Variants in AKAP19 observed in about 807,000 individuals in gnomAD.
AKAP19 encodes small A-kinase anchoring protein.
At chr2:189,916,208 A>G in the AKAP19 span, among the ~76,000 whole-genome samples, 10 of 152,298 alleles carry the variant, frequency 6.6e-5, no homozygotes, top group East Asian at 7.7e-4. Context: ...TTGCAAAACT[A>G]TAGTACAATA....
the AKAP19 span, chr2:190,062,180 A>G: frequency 6.2e-7 from 1 of 1,606,546 alleles, no homozygotes; most frequent in Non-Finnish European, 8.5e-7. Flanking sequence ...ACACTAGAAC[A>G]ACAGTCAGCA....
chr2:190,062,975 T>C, the AKAP19 span, among the ~76,000 whole-genome samples: 1 of 152,128 alleles, frequency 6.6e-6, no homozygotes, highest in Non-Finnish European at 1.5e-5. Flanking sequence ...CAAAAGTCTA[T>C]GTTGGCAATA....
At chr2:189,888,926 C>T in the AKAP19 span, among the ~76,000 whole-genome samples, 1 of 152,040 alleles carries the variant, frequency 6.6e-6, no homozygotes, top group African/African-American at 2.4e-5. Flanking sequence ...ATTTGAATAC[C>T]CTTTCTTTCT....
the AKAP19 span, among the ~76,000 whole-genome samples, chr2:189,954,541 G>A: frequency 6.6e-6 from 1 of 152,262 alleles, no homozygotes; most frequent in African/African-American, 2.4e-5. Context: ...TACTGCTCAA[G>A]GTCATCACCA....
At chr2:190,125,017 A>T in the AKAP19 span, among the ~76,000 whole-genome samples, 1 of 152,180 alleles carries the variant, frequency 6.6e-6, no homozygotes, top group East Asian at 1.9e-4. Flanking sequence ...AGGGGCAGTA[A>T]CACACATGGA....
the AKAP19 span, among the ~76,000 whole-genome samples, chr2:190,193,699 T>TAA: frequency 6.6e-6 from 1 of 152,158 alleles, no homozygotes; most frequent in South Asian, 2.1e-4. Flanking sequence ...TTACACATCT[T>TAA]AATATGTGAC....
At chr2:189,985,142 A>G in the AKAP19 span, among the ~76,000 whole-genome samples, 1 of 152,280 alleles carries the variant, frequency 6.6e-6, no homozygotes, top group Middle Eastern at 3.4e-3. Context: ...TAGGGCTCCA[A>G]GTTCTTTGGG....
At chr2:189,968,577 CA>C in the AKAP19 span, among the ~76,000 whole-genome samples, 5 of 152,074 alleles carry the variant, frequency 3.3e-5, no homozygotes. Context: ...TGTACTTAAG[CA>C]ACAAAGATTG....
chr2:189,980,351 G>T, the AKAP19 span, among the ~76,000 whole-genome samples: 1 of 152,126 alleles, frequency 6.6e-6, no homozygotes, highest in Non-Finnish European at 1.5e-5. Flanking sequence ...TTTTAGTTTT[G>T]TTTTTGAAAT....
the AKAP19 span, among the ~76,000 whole-genome samples, chr2:189,974,662 G>T: frequency 6.6e-6 from 1 of 152,140 alleles, no homozygotes. Flanking sequence ...ATGAATCTGG[G>T]TGCTCCTGTA....
chr2:190,036,633 G>A, the AKAP19 span, among the ~76,000 whole-genome samples: 1 of 151,744 alleles, frequency 6.6e-6, no homozygotes, highest in Non-Finnish European at 1.5e-5. Context: ...AAGGATTTAA[G>A]TCTATGGCAT....
the AKAP19 span, chr2:190,199,755 G>C: frequency 6.6e-7 from 1 of 1,526,176 alleles, no homozygotes; most frequent in East Asian, 2.3e-5. Flanking sequence ...GTGCCCTGGA[G>C]AGGGAAAGCA....
chr2:190,057,918 A>G, the AKAP19 span, among the ~76,000 whole-genome samples: 1 of 151,994 alleles, frequency 6.6e-6, no homozygotes, highest in African/African-American at 2.4e-5. Context: ...CCTGGCACAT[A>G]ATGGATGTCC....
At chr2:190,059,922 G>T in the AKAP19 span, 2 of 770,926 alleles carry the variant, frequency 2.6e-6, no homozygotes, top group Admixed American at 2.4e-5. Flanking sequence ...CTTTTATTGG[G>T]TACAGGGCTA....
At chr2:189,886,168 G>A in the AKAP19 span, among the ~76,000 whole-genome samples, 1 of 152,150 alleles carries the variant, frequency 6.6e-6, no homozygotes, top group Non-Finnish European at 1.5e-5. Flanking sequence ...GGAGATTGGG[G>A]ATACCAGTAT....
the AKAP19 span, among the ~76,000 whole-genome samples, chr2:189,905,024 A>C: frequency 6.6e-6 from 1 of 152,026 alleles, no homozygotes; most frequent in African/African-American, 2.4e-5. Flanking sequence ...ACATGGGGTT[A>C]AATAGGCCCT....
chr2:190,060,519 TAAATTAAG>T, the AKAP19 span: 1 of 1,230,830 alleles, frequency 8.1e-7, no homozygotes, highest in Non-Finnish European at 1.1e-6. Flanking sequence ...AGCATTTTTT[TAAATTAAG>T]ATAATGTATG....
At chr2:190,124,729 T>C in the AKAP19 span, among the ~76,000 whole-genome samples, 24 of 152,302 alleles carry the variant, frequency 1.6e-4, no homozygotes, top group Middle Eastern at 3.4e-3. Flanking sequence ...ACTTTCTTAC[T>C]TTATAAAAAC....
At chr2:190,020,753 C>T in the AKAP19 span, among the ~76,000 whole-genome samples, 17 of 152,262 alleles carry the variant, frequency 1.1e-4, 1 homozygote, top group East Asian at 1.7e-3. Flanking sequence ...ACTCCCTATT[C>T]CCCCTCCTTC....
Sources: allele counts gnomAD v4.1 joint callset (sites outside exome capture counted in the v4.1 genomes callset), GRCh38; gene constraint gnomAD v4.1.1; transcripts MANE v1.5; gene names NCBI Gene and HGNC (gene_info 2026-07-23, HGNC 2026-07-21).